The following ANK2 variants were observed in gnomAD, a reference collection of about 807,000 sequenced individuals.
The protein encoded by ANK2 is ankyrin-2.
Under a neutral mutation model 360.5 loss-of-function variants are expected in ANK2, and 83 were observed. The observed-to-expected ratio is 0.23, with a 90% CI of 0.19 to 0.28. The LOEUF is 0.28. Among genes scored for constraint, ANK2 ranks in the 10% least tolerant of loss-of-function variants. ANK2 has a pLI of 1.00. For synonymous variants in ANK2, 1,740 were observed against 1,759.5 expected (o/e 0.99, Z 0.28); for missense variants, 4,201 against 4,795.7 (o/e 0.88, Z 3.66).
chr4:112,719,684 C>A, the ANK2 span, among the ~76,000 whole-genome samples: 13 of 150,158 alleles, frequency 8.7e-5, no homozygotes, highest in Non-Finnish European at 1.9e-4. Flanking sequence ...GCTGAGATCG[C>A]CGATTACACT....
chr4:113,297,577 A>G (rs1280986145), intron 22 of ANK2, among the ~76,000 whole-genome samples: 2 of 152,144 alleles, frequency 1.3e-5, no homozygotes, highest in Non-Finnish European at 2.9e-5. Context: ...TAAAAATAGG[A>G]GCCATAAAAA....
intron 34 of ANK2, among the ~76,000 whole-genome samples, chr4:113,344,666 G>A (rs1481424922): frequency 4.6e-5 from 7 of 151,998 alleles, no homozygotes; most frequent in Non-Finnish European, 8.8e-5. Flanking sequence ...AACAAAATGC[G>A]GTATACACAT....
chr4:113,330,439 G>A lies in ANK2; in HGVS notation c.3094G>A (p.Glu1032Lys), dbSNP rs775323997. The A allele has an allele frequency of 1.1e-5, 17 of 1,614,066 alleles. No individual in the cohort carries two copies. The South Asian group carries it at 1.1e-4, about 10-fold the overall frequency. The change falls in exon 27 of 46, where the codon GAA becomes AAA. Residue 1032 changes from glutamate to lysine, a missense_variant. By Grantham distance (56) the Glu-to-Lys change is moderately conservative. Around this residue, in one of 4 missense-constraint regions of ANK2, gnomAD observed 1,268 missense variants for 1,650.8 expected, o/e 0.77. Transcript: ENST00000357077. ...EGEGLASRLI[E>K]VGPSGAQFLG... is the part of the protein sequence containing the mutation. ...AGAAGGCCTGGCCAGTCGCCTGATC[G>A]AAGTTGGACCTTCTGGTGCTCAGTT...
chr4:113,129,443 T>C (rs112399478), intron 1 of ANK2, among the ~76,000 whole-genome samples: 11 of 152,296 alleles, frequency 7.2e-5, no homozygotes, highest in African/African-American at 2.4e-4. Context: ...AACTCCCAGA[T>C]GTATTTAGAA....
chr4:112,937,071 C>A (rs956983563), intron 2 of ANK2, among the ~76,000 whole-genome samples: 1 of 152,112 alleles, frequency 6.6e-6, no homozygotes, highest in Admixed American at 6.6e-5. Flanking sequence ...GAATCATAGA[C>A]ATGAGCCATC....
At chr4:113,132,092 A>T (rs1419345665) in intron 1 of ANK2, among the ~76,000 whole-genome samples, 1 of 152,190 alleles carries the variant, frequency 6.6e-6, no homozygotes, top group African/African-American at 2.4e-5. Context: ...CTATTCAGAG[A>T]TGTCACAAGT....
At chr4:113,337,335 G>T (rs1447745564) in intron 31 of ANK2, among the ~76,000 whole-genome samples, 1 of 152,092 alleles carries the variant, frequency 6.6e-6, no homozygotes, top group Non-Finnish European at 1.5e-5. Flanking sequence ...ACTGATTTTT[G>T]GTCTTTTCAA....
chr4:112,907,404 T>C (rs923327733), intron 2 of ANK2, among the ~76,000 whole-genome samples: 1 of 152,180 alleles, frequency 6.6e-6, no homozygotes, highest in Non-Finnish European at 1.5e-5. Context: ...AAAACCATTT[T>C]GAAAAATAAA....
the ANK2 span, among the ~76,000 whole-genome samples, chr4:112,803,375 A>G: frequency 6.6e-6 from 1 of 152,182 alleles, no homozygotes; most frequent in Admixed American, 6.6e-5. Flanking sequence ...AAGTGCCTTT[A>G]TAGGAGGCAG....
chr4:112,813,236 T>TAAA (rs11393659), upstream of ANK2, among the ~76,000 whole-genome samples: 22 of 124,932 alleles, frequency 1.8e-4, no homozygotes, highest in African/African-American at 5.3e-4. Context: ...AGACTCTGTC[T>TAAA]AAAAAAAAAA....
chr4:113,102,652 A>G (rs2093047701), intron 1 of ANK2, among the ~76,000 whole-genome samples: 1 of 152,188 alleles, frequency 6.6e-6, no homozygotes, highest in South Asian at 2.1e-4. Flanking sequence ...AGAAAATTCC[A>G]AAAGAAGGAA....
chr4:112,909,453 A>T (rs1561052276), intron 2 of ANK2, among the ~76,000 whole-genome samples: 1 of 152,194 alleles, frequency 6.6e-6, no homozygotes, highest in Non-Finnish European at 1.5e-5. Flanking sequence ...TCTAAACTTA[A>T]TAGATATCTT....
At chr4:113,164,979 T>A (rs2097701229) in intron 1 of ANK2, among the ~76,000 whole-genome samples, 1 of 152,200 alleles carries the variant, frequency 6.6e-6, no homozygotes, top group Non-Finnish European at 1.5e-5. Flanking sequence ...CCAAATGTTG[T>A]TATAGGTGGT....
At chr4:112,758,248 C>G in the ANK2 span, among the ~76,000 whole-genome samples, 1 of 151,992 alleles carries the variant, frequency 6.6e-6, no homozygotes, top group East Asian at 1.9e-4. Flanking sequence ...CATACACATT[C>G]TAACATTAAA....
intron 2 of ANK2, among the ~76,000 whole-genome samples, chr4:112,923,920 G>A (rs928790777): frequency 2.2e-4 from 34 of 152,102 alleles, no homozygotes; most frequent in African/African-American, 7.2e-4. Flanking sequence ...CACTTTAGTC[G>A]CACCTCTGCT....
In ANK2 at chr4:112,969,764, C is replaced by T. The variant is rs6845718; in HGVS notation, c.21+65250C>T. 7.2e-4 allele frequency among the ~76,000 whole-genome samples: 109 copies of T among 152,152 alleles called. 1 individual carries two copies. The highest frequency in any genetic ancestry group is 2.4e-3 in the African/African-American group (101 of 41,506). ...TGAGCCAATATCTTCTTGTTCTGTC[C>T]GTGGTAGATATGGATAACAGTTATT... is the stretch of plus-strand genomic sequence containing the variant. On this transcript the variant is annotated intron_variant, in intron 2 of 30. Coordinates refer to the ANK2 transcript ENST00000503271.
At chr4:112,913,183 G>T (rs2088349850) in intron 2 of ANK2, among the ~76,000 whole-genome samples, 1 of 152,076 alleles carries the variant, frequency 6.6e-6, no homozygotes, top group South Asian at 2.1e-4. Context: ...TTTGATAATA[G>T]CATAGTGCTA....
Position 112,827,126 on chromosome 4 carries a change from C to T in ANK2, c.-40+8862C>T, listed in dbSNP as rs2058582921. 3 of 1,079,532 alleles carry T rather than the reference C, an allele frequency of 2.8e-6. No individual in the cohort carries two copies. In the East Asian group the frequency reaches 7.1e-5, roughly 25 times the overall value. 66.9% of individuals were successfully genotyped at this position (1,079,532 alleles called of 1,614,324 possible). On this transcript the variant is annotated intron_variant, in intron 1 of 30. Coordinates refer to the ANK2 transcript ENST00000503271. ...CTTCTAGAAAAACTGACTGCAATTG[C>T]TCAGCATTGAATGACTACTTACAAG...
chr4:113,178,571 CAA>C (rs537519981), intron 2 of ANK2, among the ~76,000 whole-genome samples: 1,168 of 98,104 alleles, frequency 0.012, 15 homozygotes, highest in African/African-American at 0.039. Context: ...GACTCCATCT[CAA>C]AAAAAAAAAA....
Sources: allele counts gnomAD v4.1 joint callset (sites outside exome capture counted in the v4.1 genomes callset), GRCh38; gene constraint gnomAD v4.1.1; regional missense constraint gnomAD v4.1.1; transcripts MANE v1.5; gene names NCBI Gene and HGNC (gene_info 2026-07-23, HGNC 2026-07-21).